Variants in CAT observed in about 807,000 individuals in gnomAD.
CAT encodes the protein catalase.
A neutral mutation model predicts 59.0 loss-of-function variants in CAT; 43 were observed. The observed-to-expected ratio is 0.73, with a 90% CI of 0.57 to 0.94. The LOEUF (loss-of-function observed/expected upper bound fraction) is 0.94. Among genes scored for constraint, CAT ranks in the 40% least tolerant of loss-of-function variants. CAT has a pLI of 0.00. For synonymous variants in CAT, 218 were observed against 230.9 expected (o/e 0.94, Z 0.51); for missense variants, 664 against 682.9 (o/e 0.97, Z 0.31).
chr11:34,456,835 A>G lies in CAT; in HGVS notation c.1056+18A>G. 6.2e-7 allele frequency: 1 copy of G among 1,613,804 alleles called. No homozygotes were observed. The highest frequency in any genetic ancestry group is 2.2e-5 in the East Asian group (1 of 44,880). On this transcript the variant is annotated intron_variant, in intron 8 of 12. Coordinates refer to ENST00000241052, the MANE Select transcript of CAT (RefSeq NM_001752.4). Reference sequence around the variant, plus strand: ...TGCTTCAGGTGAGCCTGGTGGATTGAGATGTTCTGAGGCAGGTGTCCATGT... The same window carrying G: ...TGCTTCAGGTGAGCCTGGTGGATTGGGATGTTCTGAGGCAGGTGTCCATGT...
At chr11:34,458,622 C>T (rs1315036301) in intron 8 of CAT, among the ~76,000 whole-genome samples, 1 of 152,112 alleles carries the variant, frequency 6.6e-6, no homozygotes, top group Non-Finnish European at 1.5e-5. Context: ...TTGTCATGGG[C>T]AGAGCAGAGG....
intron 9 of CAT, among the ~76,000 whole-genome samples, chr11:34,462,380 C>G (rs1424369003): frequency 1.3e-5 from 2 of 152,064 alleles, no homozygotes; most frequent in Admixed American, 1.3e-4. Context: ...CCCATATAGT[C>G]CCAACACCCA....
intron 9 of CAT, 105 bp from the exon 10 acceptor site, chr11:34,464,000 G>A: frequency 9.3e-7 from 1 of 1,073,930 alleles, no homozygotes; most frequent in Non-Finnish European, 1.5e-6. Context: ...ATGTGTACGT[G>A]TGTATTTGAT....
chr11:34,460,054 C>T (rs1004354557), intron 8 of CAT, among the ~76,000 whole-genome samples: 1 of 152,224 alleles, frequency 6.6e-6, no homozygotes, highest in Non-Finnish European at 1.5e-5. Context: ...TTAAGTTGCC[C>T]TATTCAATTT....
At chr11:34,461,479 GC>G (rs1856651268) in intron 9 of CAT, 90 bp downstream of exon 9, 4 of 1,484,062 alleles carry the variant, frequency 2.7e-6, no homozygotes, top group Middle Eastern at 1.9e-4. Flanking sequence ...TCTCAAGCTG[GC>G]CCCGCAGGAC....
intron 1 of CAT, among the ~76,000 whole-genome samples, chr11:34,443,252 CAG>C (rs1341329782): frequency 2.0e-5 from 3 of 152,130 alleles, no homozygotes; most frequent in Non-Finnish European, 2.9e-5. Flanking sequence ...TCTCAAGAAT[CAG>C]AGTGTCCTAT....
intron 2 of CAT, 135 bp from the exon 3 acceptor site, chr11:34,450,853 C>T (rs761919329): frequency 5.6e-5 from 43 of 767,644 alleles, no homozygotes; most frequent in Non-Finnish European, 9.1e-5. Flanking sequence ...GGCATTTCCC[C>T]TTCCTCCAAC....
At chr11:34,469,357 G>C (rs1856751503) in intron 11 of CAT, among the ~76,000 whole-genome samples, 1 of 152,138 alleles carries the variant, frequency 6.6e-6, no homozygotes, top group African/African-American at 2.4e-5. Context: ...CTTGTAAATA[G>C]CAGAACTGGG....
At chr11:34,457,365 C>T (rs377100709) in intron 8 of CAT, among the ~76,000 whole-genome samples, 32 of 151,950 alleles carry the variant, frequency 2.1e-4, no homozygotes, top group Middle Eastern at 3.4e-3. Flanking sequence ...CGCCACCATG[C>T]CCAGCTAATT....
chr11:34,448,016 G>A (rs1013287405), intron 1 of CAT, among the ~76,000 whole-genome samples: 6 of 152,146 alleles, frequency 3.9e-5, no homozygotes, highest in African/African-American at 1.4e-4. Flanking sequence ...GTGTGTGAGA[G>A]GGTCTTGTTT....
Position 34,471,502 on chromosome 11 carries a change from A to G in CAT, c.*69A>G, listed in dbSNP as rs1409279574. 4 of 1,323,458 alleles carry G rather than the reference A, an allele frequency of 3.0e-6. No homozygotes were observed. The African/African-American group carries it at 4.3e-5, about 14-fold the overall frequency. 82.0% of individuals were successfully genotyped at this position (1,323,458 alleles called of 1,614,324 possible). A position where few individuals can be genotyped will look rare whatever the true frequency, so the allele number is the denominator to read the frequency against. On this transcript the variant is annotated 3_prime_UTR_variant, in exon 13 of 13. Transcript: ENST00000241052. ...GTGTAACCCGCTCATCACTGGATGA[A>G]GATTCTCCTGTGCTAGATGTGCAAA...
At chr11:34,465,525 C>A (rs1856704307) in intron 10 of CAT, among the ~76,000 whole-genome samples, 1 of 152,128 alleles carries the variant, frequency 6.6e-6, no homozygotes, top group African/African-American at 2.4e-5. Context: ...GGTATTAAAC[C>A]AGCTCATACA....
chr11:34,454,747 AG>A (rs1426305290), intron 6 of CAT, among the ~76,000 whole-genome samples: 3 of 152,268 alleles, frequency 2.0e-5, no homozygotes, highest in African/African-American at 7.2e-5. Flanking sequence ...AATTGCCAAA[AG>A]GGTCAATGTA....
chr11:34,441,901 C>T (rs971073492), intron 1 of CAT, among the ~76,000 whole-genome samples: 1 of 152,134 alleles, frequency 6.6e-6, no homozygotes, highest in African/African-American at 2.4e-5. Flanking sequence ...TTTATTGGGT[C>T]ATAAGGTAAG....
chr11:34,448,425 A>G (rs781347723), intron 1 of CAT, among the ~76,000 whole-genome samples: 3 of 152,216 alleles, frequency 2.0e-5, no homozygotes, highest in Admixed American at 6.5e-5. Flanking sequence ...AGATGAAGCT[A>G]TGAGCTTCCA....
chr11:34,441,542 C>T lies in CAT; in HGVS notation c.66+2463C>T, dbSNP rs549564999. On this transcript the variant is annotated intron_variant, in intron 1 of 12. Transcript: ENST00000241052. ...GGGCATGAAGGCTTATGCCTATAAC[C>T]CTACCACTTTTGGAGGCTGAGGTGG... 1.5e-4 allele frequency among the ~76,000 whole-genome samples: 23 copies of T among 152,280 alleles called. 1 individual carries two copies. Among genetic ancestry groups the T allele is most frequent in the African/African-American group, 5.5e-4 (23 of 41,548 alleles).
intron 1 of CAT, among the ~76,000 whole-genome samples, chr11:34,448,746 C>T (rs969472811): frequency 1.3e-5 from 2 of 151,998 alleles, no homozygotes; most frequent in Admixed American, 6.6e-5. Flanking sequence ...ACTTGAAGAT[C>T]GTGGCAGTAA....
chr11:34,459,334 G>A (rs1293272751), intron 8 of CAT, among the ~76,000 whole-genome samples: 1 of 152,314 alleles, frequency 6.6e-6, no homozygotes, highest in Admixed American at 6.5e-5. Context: ...TGTAGCCTAG[G>A]CAGTGGCGGT....
intron 1 of CAT, among the ~76,000 whole-genome samples, chr11:34,440,441 C>T (rs909808518): frequency 6.6e-6 from 1 of 152,148 alleles, no homozygotes; most frequent in Non-Finnish European, 1.5e-5. Flanking sequence ...CTTTCCTTAC[C>T]CAGTGGGTGC....
Sources: allele counts gnomAD v4.1 joint callset (sites outside exome capture counted in the v4.1 genomes callset), GRCh38; gene constraint gnomAD v4.1.1; transcripts MANE v1.5; gene names NCBI Gene and HGNC (gene_info 2026-07-23, HGNC 2026-07-21).